The following RPA3 variants were observed in gnomAD, a reference collection of about 807,000 sequenced individuals.
RPA3 encodes the protein replication protein A3.
In RPA3, 24 loss-of-function variants were observed where a neutral mutation model predicts 13.7. The ratio of observed to expected loss-of-function variants is 1.75; its 90% CI spans 1.27 to 2.46. The LOEUF (loss-of-function observed/expected upper bound fraction) is 2.46, where lower values mean the gene tolerates loss of function less well. Ranked by LOEUF, RPA3 falls within the 30% of genes most tolerant of loss-of-function variation. The pLI is 0.00. For synonymous variants in RPA3, 59 were observed against 51.2 expected (o/e 1.15, Z -0.65); for missense variants, 183 against 151.0 (o/e 1.21, Z -1.11).
rs75752720 is a variant in RPA3, at chr7:7,642,307, A to T, written c.-757-1132T>A. ...ATACCACCACACCCAGCTAATAAAG[A>T]TTTTTTTTTTGTTGTTTGTTTTTTT... is the stretch of plus-strand genomic sequence containing the variant. On this transcript the variant is annotated intron_variant, in intron 4 of 7. Coordinates refer to ENST00000223129, the MANE Select transcript of RPA3 (RefSeq NM_002947.5). 1.8e-4 allele frequency among the ~76,000 whole-genome samples: 27 copies of T among 149,478 alleles called. No individual in the cohort carries two copies. In the East Asian group the frequency reaches 4.9e-3, roughly 27 times the overall value.
chr7:7,714,353 C>G (rs970895984), intron 2 of RPA3, among the ~76,000 whole-genome samples: 21 of 152,218 alleles, frequency 1.4e-4, no homozygotes, highest in Non-Finnish European at 2.1e-4. Context: ...GCTGAAGTGT[C>G]AAGCTGTTTG....
intron 4 of RPA3, among the ~76,000 whole-genome samples, chr7:7,652,237 C>G (rs1401604678): frequency 6.6e-6 from 1 of 152,148 alleles, no homozygotes; most frequent in African/African-American, 2.4e-5. Flanking sequence ...TTATTCATTC[C>G]TTTGATAGGA....
At chr7:7,637,686 TTACA>T (rs72072837) in intron 7 of RPA3, among the ~76,000 whole-genome samples, 174 bp downstream of exon 7, 1,643 of 151,704 alleles carry the variant, frequency 0.011, 4 homozygotes, top group African/African-American at 0.037. Flanking sequence ...TGTTATGTAA[TTACA>T]TACAGTTATA....
intron 4 of RPA3, among the ~76,000 whole-genome samples, chr7:7,667,551 C>G (rs1779498145): frequency 6.6e-6 from 1 of 152,102 alleles, no homozygotes. Context: ...CACTGCTACA[C>G]CTACAGTTTT....
chr7:7,672,230 C>T (rs1779624230), intron 4 of RPA3, among the ~76,000 whole-genome samples: 1 of 152,178 alleles, frequency 6.6e-6, no homozygotes, highest in Non-Finnish European at 1.5e-5. Flanking sequence ...TTGTAAGGAA[C>T]TGTCCTCAGA....
rs1030207163 is a variant in RPA3, at chr7:7,640,646, G to A, written c.-228C>T. The A allele has an allele frequency of 7.4e-6, 4 of 542,786 alleles. No individual in the cohort carries two copies. The highest frequency in any genetic ancestry group is 3.8e-4 in the Middle Eastern group (1 of 2,624). The allele number at this position is 542,786 out of a possible 1,614,324, so 33.6% of individuals were successfully genotyped here. On this transcript the variant is annotated 5_prime_UTR_variant, in exon 5 of 8. Coordinates refer to ENST00000223129, the MANE Select transcript of RPA3 (RefSeq NM_002947.5). ...GGAGATTGGCTGCTTAGTGACGCGC[G>A]GCGTCCCGGAAGTTGACAGATACAG...
At chr7:7,694,362 T>C (rs1432073653) in intron 2 of RPA3, among the ~76,000 whole-genome samples, 2 of 152,146 alleles carry the variant, frequency 1.3e-5, no homozygotes, top group Admixed American at 6.5e-5. Context: ...GCATTTATCA[T>C]TTTTTTGTGA....
intron 4 of RPA3, among the ~76,000 whole-genome samples, chr7:7,642,367 T>C (rs983915240): frequency 2.0e-5 from 3 of 152,032 alleles, no homozygotes; most frequent in Non-Finnish European, 4.4e-5. Flanking sequence ...TTGACCAGGC[T>C]TATCTCAAAC....
intron 4 of RPA3, among the ~76,000 whole-genome samples, chr7:7,680,236 G>T (rs1304202851): frequency 3.3e-5 from 5 of 152,028 alleles, no homozygotes; most frequent in Admixed American, 3.3e-4. Context: ...AGAGATAGGG[G>T]TCTAGTTTTA....
At chr7:7,676,040 G>C in intron 4 of RPA3, 1 of 398,096 alleles carries the variant, frequency 2.5e-6, no homozygotes, top group East Asian at 3.6e-5. Flanking sequence ...TCATGTCTCA[G>C]CTCTTACTTC....
intron 4 of RPA3, among the ~76,000 whole-genome samples, chr7:7,644,287 G>A (rs190875703): frequency 6.7e-6 from 1 of 148,834 alleles, no homozygotes; most frequent in East Asian, 1.9e-4. Flanking sequence ...TTATTAGTGA[G>A]ATATTGTAAT....
intron 1 of RPA3, among the ~76,000 whole-genome samples, chr7:7,715,440 C>G (rs2110553): frequency 0.083 from 12,611 of 152,196 alleles, 616 homozygotes; most frequent in Non-Finnish European, 0.098. Context: ...TGATAAGTAA[C>G]TTAGGGAAGT....
chr7:7,683,669 C>T (rs1023509101), intron 4 of RPA3, among the ~76,000 whole-genome samples: 1 of 151,686 alleles, frequency 6.6e-6, no homozygotes, highest in Admixed American at 6.6e-5. Context: ...GTTGCCCAGG[C>T]TGGAGTGCAG....
At chr7:7,662,133 C>G (rs563279300) in intron 4 of RPA3, among the ~76,000 whole-genome samples, 2 of 152,222 alleles carry the variant, frequency 1.3e-5, no homozygotes, top group South Asian at 4.1e-4. Flanking sequence ...CCCACTCAAG[C>G]CTCAGTAATG....
intron 4 of RPA3, among the ~76,000 whole-genome samples, chr7:7,653,128 G>C (rs1785260900): frequency 1.3e-5 from 2 of 152,162 alleles, no homozygotes; most frequent in African/African-American, 4.8e-5. Context: ...AGAGTTGTCT[G>C]AATTCTTTTG....
At chr7:7,715,444 G>T (rs1009451126) in intron 1 of RPA3, among the ~76,000 whole-genome samples, 4 of 152,212 alleles carry the variant, frequency 2.6e-5, no homozygotes, top group African/African-American at 9.6e-5. Flanking sequence ...AAGTAACTTA[G>T]GGAAGTGCAC....
intron 2 of RPA3, among the ~76,000 whole-genome samples, chr7:7,693,769 A>G (rs1001280458): frequency 1.3e-5 from 2 of 152,180 alleles, no homozygotes; most frequent in Non-Finnish European, 2.9e-5. Context: ...AATATTTTGT[A>G]AGATGTTTAT....
At chr7:7,677,467 A>G (rs944797163) in intron 4 of RPA3, among the ~76,000 whole-genome samples, 14 of 152,096 alleles carry the variant, frequency 9.2e-5, no homozygotes, top group Admixed American at 5.9e-4. Context: ...TTCAATTTGA[A>G]AAAAACTGAG....
chr7:7,648,233 A>G (rs1003476693), intron 4 of RPA3, among the ~76,000 whole-genome samples: 2 of 152,196 alleles, frequency 1.3e-5, no homozygotes, highest in Non-Finnish European at 1.5e-5. Flanking sequence ...TTCCTTTCTA[A>G]GAGAGCACTA....
Sources: allele counts gnomAD v4.1 joint callset (sites outside exome capture counted in the v4.1 genomes callset), GRCh38; gene constraint gnomAD v4.1.1; transcripts MANE v1.5; gene names NCBI Gene and HGNC (gene_info 2026-07-23, HGNC 2026-07-21).